Variants in FER1L6 observed in about 807,000 individuals in gnomAD.
FER1L6 encodes fer-1-like protein 6.
Under a neutral mutation model 219.2 loss-of-function variants are expected in FER1L6, and 177 were observed. The observed-to-expected ratio is 0.81, with a 90% CI of 0.71 to 0.91. FER1L6 has a LOEUF of 0.91. Among genes scored for constraint, FER1L6 ranks in the 40% least tolerant of loss-of-function variants. The probability of loss-of-function intolerance (pLI) is 0.00; values close to 1 mark genes in which losing one functional copy is unlikely to be tolerated. For synonymous variants in FER1L6, 768 were observed against 824.3 expected (o/e 0.93, Z 1.17); for missense variants, 2,153 against 2,259.9 (o/e 0.95, Z 0.96).
intron 39 of FER1L6, among the ~76,000 whole-genome samples, chr8:124,105,646 C>T (rs960338155): frequency 6.6e-6 from 1 of 152,156 alleles, no homozygotes; most frequent in African/African-American, 2.4e-5. Context: ...CAAAGATGTG[C>T]CCATTGGACT....
At chr8:124,013,576 G>A in intron 15 of FER1L6, 45 bp downstream of exon 15, 1 of 1,363,284 alleles carries the variant, frequency 7.3e-7, no homozygotes, top group South Asian at 1.4e-5. Context: ...AGCTTCTGTG[G>A]TCTCAGCTTT....
intron 1 of FER1L6, among the ~76,000 whole-genome samples, chr8:123,936,967 A>T (rs1213982299): frequency 6.6e-6 from 1 of 152,142 alleles, no homozygotes; most frequent in East Asian, 1.9e-4. Context: ...GTGCAAAGGC[A>T]AGATGTTGGC....
chr8:124,084,901 A>G (rs527663636), intron 33 of FER1L6, among the ~76,000 whole-genome samples: 2 of 152,066 alleles, frequency 1.3e-5, no homozygotes, highest in Non-Finnish European at 2.9e-5. Context: ...TTTCTTTGCT[A>G]GGAGACTTTT....
chr8:123,907,794 G>A (rs1266964781), intron 1 of FER1L6, among the ~76,000 whole-genome samples: 1 of 70 alleles, frequency 0.014, no homozygotes, highest in East Asian at 0.12. Context: ...CTGAGCATAG[G>A]AAGGAGTTCA....
At chr8:123,883,636 G>T (rs763868870) in intron 1 of FER1L6, among the ~76,000 whole-genome samples, 6 of 152,156 alleles carry the variant, frequency 3.9e-5, no homozygotes, top group Non-Finnish European at 7.4e-5. Flanking sequence ...AACAATAGAA[G>T]TTTATTTCTC....
At chr8:124,030,098 G>A (rs1202732263) in intron 18 of FER1L6, among the ~76,000 whole-genome samples, 1 of 152,028 alleles carries the variant, frequency 6.6e-6, no homozygotes, top group Non-Finnish European at 1.5e-5. Flanking sequence ...TATTTCTGAG[G>A]TCTCTATTCT....
chr8:124,109,889 T>G (rs4870889), intron 39 of FER1L6, among the ~76,000 whole-genome samples: 16,908 of 152,232 alleles, frequency 0.11, 1,268 homozygotes, highest in Non-Finnish European at 0.17. Flanking sequence ...ATGAACTGAC[T>G]ACCAGAACCA....
intron 21 of FER1L6, among the ~76,000 whole-genome samples, chr8:124,047,066 A>C (rs1002658459): frequency 6.6e-6 from 1 of 152,146 alleles, no homozygotes; most frequent in Non-Finnish European, 1.5e-5. Flanking sequence ...TACCTTTTCA[A>C]TTTTGTTCTT....
At chr8:124,026,068 C>A (rs761873982) in intron 18 of FER1L6, among the ~76,000 whole-genome samples, 1 of 152,034 alleles carries the variant, frequency 6.6e-6, no homozygotes, top group Non-Finnish European at 1.5e-5. Flanking sequence ...ACAGAGTCCC[C>A]AGATGCCTTC....
chr8:124,099,434 T>C (rs1822458320), intron 37 of FER1L6, among the ~76,000 whole-genome samples: 1 of 152,226 alleles, frequency 6.6e-6, no homozygotes, highest in Admixed American at 6.5e-5. Flanking sequence ...CTTTGCTCAC[T>C]GACTTCCCCA....
At chr8:124,118,242 A>T (rs1823329668) in intron 39 of FER1L6, among the ~76,000 whole-genome samples, 1 of 152,212 alleles carries the variant, frequency 6.6e-6, no homozygotes, top group Non-Finnish European at 1.5e-5. Context: ...TACATCCCTG[A>T]CAGAAACTAT....
chr8:123,986,129 T>C lies in FER1L6; in HGVS notation c.1472T>C (p.Ile491Thr), dbSNP rs764827674. The C allele has an allele frequency of 1.9e-6, 3 of 1,613,878 alleles. No individual in the cohort carries two copies. In the East Asian group the frequency reaches 6.7e-5, roughly 36 times the overall value. Residue 491 changes from isoleucine to threonine, a missense_variant, in exon 12 of 41, where the codon ATT (isoleucine) becomes ACT (threonine). By Grantham distance (89) the Ile-to-Thr change is moderately conservative. Coordinates refer to ENST00000522917, the MANE Select transcript of FER1L6 (RefSeq NM_001039112.2). ...GGAGCATTTTTTGAAGCTACCATGA[T>C]TGACCGGAAGATTGGAGATAAACCC... ...LFGAFFEATM[I>T]DRKIGDKPIS... is the part of the protein sequence containing the mutation.
chr8:123,920,545 G>A (rs967898330), intron 1 of FER1L6, among the ~76,000 whole-genome samples: 1 of 152,230 alleles, frequency 6.6e-6, no homozygotes, highest in Admixed American at 6.5e-5. Context: ...TCGGCCAGGA[G>A]GGCCCACGTC....
chr8:123,854,907 A>G (rs1055004947), intron 1 of FER1L6, among the ~76,000 whole-genome samples: 2 of 152,154 alleles, frequency 1.3e-5, no homozygotes, highest in Non-Finnish European at 2.9e-5. Flanking sequence ...TTTTTATTGA[A>G]GTGAAATTCA....
rs1291735013 is a variant in FER1L6, at chr8:124,063,835, C to T, written c.3329-512C>T. 4.6e-5 allele frequency among the ~76,000 whole-genome samples: 7 copies of T among 152,164 alleles called. No homozygotes were observed. In the East Asian group the frequency reaches 1.3e-3, roughly 29 times the overall value. Reference sequence around the variant, plus strand: ...GATGAGGACCATTGGCAGTGAAGGACAGCATTATAACCTTTCTATGGCATC... The same window carrying T: ...GATGAGGACCATTGGCAGTGAAGGATAGCATTATAACCTTTCTATGGCATC... On this transcript the variant is annotated intron_variant, in intron 25 of 40. Coordinates refer to ENST00000522917, the MANE Select transcript of FER1L6 (RefSeq NM_001039112.2).
At chr8:123,901,865 C>T (rs1056470864) in intron 1 of FER1L6, among the ~76,000 whole-genome samples, 4 of 151,886 alleles carry the variant, frequency 2.6e-5, no homozygotes, top group African/African-American at 9.7e-5. Flanking sequence ...ACTATAGGTG[C>T]CCGCCACCAC....
rs1818154655 is a variant in FER1L6 at position 124,015,582 on chromosome 8, T to TAG, written c.1923-2045_1923-2044insGA. Among the ~76,000 whole-genome samples the TAG allele has an allele frequency of 4.1e-5, 3 of 72,426 alleles. No homozygotes were observed. In the South Asian group the frequency reaches 1.3e-3, roughly 32 times the overall value. The allele number at this position is 72,426 out of a possible 152,430, so 47.5% of individuals were successfully genotyped here. A position where few individuals can be genotyped will look rare whatever the true frequency, so the allele number is the denominator to read the frequency against. ...TTTCATTATAAAAGCTATATATATA[T>TAG]ATATATATATATATATATATATATA... On this transcript the variant is annotated intron_variant, in intron 15 of 40. Coordinates refer to ENST00000522917, the MANE Select transcript of FER1L6 (RefSeq NM_001039112.2).
At chr8:124,051,609 A>G (rs1033850225) in intron 22 of FER1L6, among the ~76,000 whole-genome samples, 1 of 152,196 alleles carries the variant, frequency 6.6e-6, no homozygotes, top group Non-Finnish European at 1.5e-5. Flanking sequence ...CAATTCTACC[A>G]TGTATTTCAG....
chr8:123,996,270 T>C (rs1442356620), intron 12 of FER1L6, among the ~76,000 whole-genome samples: 2 of 152,180 alleles, frequency 1.3e-5, no homozygotes, highest in Non-Finnish European at 2.9e-5. Flanking sequence ...CTCCAGCTAT[T>C]ATTGTGTTGC....
Sources: gnomAD v4.1 joint callset for allele counts (sites outside exome capture counted in the v4.1 genomes callset) on GRCh38, gnomAD v4.1.1 for gene constraint, MANE v1.5 for transcripts, NCBI Gene and HGNC (gene_info 2026-07-23, HGNC 2026-07-21) for gene names.